BCAP31: variants seen among roughly 807,000 people sequenced by gnomAD.
BCAP31 encodes the protein B cell receptor associated protein 31, also known as B-cell receptor-associated protein 31.
For synonymous variants in BCAP31, 75 were observed against 80.9 expected (o/e 0.93, Z 0.39); for missense variants, 124 against 193.0 (o/e 0.64, Z 2.12).
intron 2 of BCAP31, among the ~76,000 whole-genome samples, chrX:153,721,926 A>C (rs976975983): frequency 9.0e-6 from 1 of 110,869 alleles, no homozygotes; most frequent in African/African-American, 3.3e-5. Flanking sequence ...AAACAAAAAA[A>C]CCACAACAAC....
intron 7 of BCAP31, 75 bp from the exon 8 acceptor site, chrX:153,701,050 C>T: frequency 1.1e-6 from 1 of 950,874 alleles, no homozygotes; most frequent in Non-Finnish European, 1.5e-6. Context: ...AGCCCCATGC[C>T]CCAGAGGTCC....
Position 153,715,665 on chromosome X carries a change from T to C in BCAP31, c.218A>G (p.Tyr73Cys). 1.7e-6 allele frequency: 2 copies of C among 1,211,507 alleles called. No individual in the cohort carries two copies. Among genetic ancestry groups the C allele is most frequent in the Non-Finnish European group, 2.2e-6 (2 of 895,375 alleles). ...VIDAVREIRK[Y>C]DDVTEKVNLQ... is the part of the protein sequence containing the mutation. ...GTTCACCTTTTCCGTCACATCATCATACTTCCGAATTTCGCGCACGGCATC... is the reference window on the plus strand; with the variant it reads ...GTTCACCTTTTCCGTCACATCATCACACTTCCGAATTTCGCGCACGGCATC... Residue 73 changes from tyrosine (Y) to cysteine (C), a missense_variant, in exon 4 of 8, where the codon TAT (tyrosine) becomes TGT (cysteine). Transcript: ENST00000345046.
intron 4 of BCAP31, among the ~76,000 whole-genome samples, chrX:153,713,968 G>A (rs911352977): frequency 1.5e-4 from 14 of 92,491 alleles, no homozygotes; most frequent in African/African-American, 5.2e-4. Flanking sequence ...TCTGCCTCCC[G>A]GGTTCAAGCA....
At chrX:153,718,407 C>G (rs1281154340) in intron 3 of BCAP31, among the ~76,000 whole-genome samples, 1 of 109,621 alleles carries the variant, frequency 9.1e-6, no homozygotes, top group Non-Finnish European at 1.9e-5. Flanking sequence ...CTATGGACAG[C>G]AGTCTTATCT....
At chrX:153,710,998 T>C (rs2082330279) in intron 4 of BCAP31, among the ~76,000 whole-genome samples, 1 of 111,683 alleles carries the variant, frequency 9.0e-6, no homozygotes, top group African/African-American at 3.3e-5. Context: ...GGAAGCACCC[T>C]ATCCTGCTCA....
At chrX:153,704,388 C>T (rs1430805140) in intron 4 of BCAP31, among the ~76,000 whole-genome samples, 5 of 112,180 alleles carry the variant, frequency 4.5e-5, no homozygotes, top group Non-Finnish European at 9.4e-5. Flanking sequence ...TCCCAGAACG[C>T]GGCACTTTCC....
At chrX:153,702,153 G>GAA (rs1557047487) in intron 6 of BCAP31, 46 bp from the exon 7 acceptor site, 1 of 1,099,966 alleles carries the variant, frequency 9.1e-7, no homozygotes, top group African/African-American at 1.8e-5. Flanking sequence ...GAAAAGACAG[G>GAA]AATTAGGGGG....
intron 4 of BCAP31, among the ~76,000 whole-genome samples, chrX:153,708,758 A>C (rs1325740471): frequency 1.3e-4 from 15 of 113,037 alleles, no homozygotes; most frequent in African/African-American, 4.8e-4. Context: ...GGAATCAGGA[A>C]AACAGGTTAC....
At chrX:153,723,556 A>G in intron 1 of BCAP31, 1 of 1,167,844 alleles carries the variant, frequency 8.6e-7, no homozygotes. Flanking sequence ...GCCTCTCCCG[A>G]CGATCCCTGC....
In BCAP31 at chrX:153,701,324, C is replaced by T. The variant is rs6643769; in HGVS notation, c.703-349G>A. Among the ~76,000 whole-genome samples, 224 of 112,638 alleles carry T rather than the reference C, an allele frequency of 2.0e-3. 1 individual carries two copies. The highest frequency in any genetic ancestry group is 6.7e-3 in the African/African-American group (208 of 31,037). ...TCTGCACACCTTTGACAGGTGCCCT[C>T]GAAGCCCATCTGCCAAGCCTGCCCC... is the stretch of plus-strand genomic sequence containing the variant. On this transcript the variant is annotated intron_variant, in intron 7 of 7. Coordinates refer to ENST00000345046, the MANE Select transcript of BCAP31 (RefSeq NM_001256447.2).
At chrX:153,715,731 C>T (rs782213030) in intron 3 of BCAP31, 42 bp from the exon 4 acceptor site, 12 of 1,199,151 alleles carry the variant, frequency 1.0e-5, no homozygotes, top group Non-Finnish European at 1.4e-5. Flanking sequence ...TTAGCGGACA[C>T]TAGGGCAAGA....
chrX:153,715,090 G>C (rs1412702116), intron 4 of BCAP31, among the ~76,000 whole-genome samples: 1 of 111,878 alleles, frequency 8.9e-6, no homozygotes, highest in Non-Finnish European at 1.9e-5. Context: ...TTTCACGTGG[G>C]GAAGGCCCTG....
chrX:153,711,525 C>G (rs1381567940), intron 4 of BCAP31, among the ~76,000 whole-genome samples: 2 of 112,367 alleles, frequency 1.8e-5, no homozygotes, highest in Non-Finnish European at 3.8e-5. Context: ...ACCATCTAAC[C>G]TGCTCGGGCC....
chrX:153,721,458 G>A (rs2091665664), intron 2 of BCAP31, among the ~76,000 whole-genome samples: 1 of 101,080 alleles, frequency 9.9e-6, no homozygotes, highest in South Asian at 4.6e-4. Flanking sequence ...AAAAAAAGAT[G>A]CTGGTCCACG....
intron 3 of BCAP31, among the ~76,000 whole-genome samples, chrX:153,717,116 A>G (rs1467445940): frequency 8.9e-6 from 1 of 112,248 alleles, no homozygotes; most frequent in African/African-American, 3.2e-5. Context: ...AAAGTAGACT[A>G]CAAACTTCAT....
intron 1 of BCAP31, chrX:153,723,655 C>G (rs1186659941): frequency 1.6e-5 from 19 of 1,158,792 alleles, no homozygotes; most frequent in South Asian, 7.6e-5. Flanking sequence ...GAGGACGCCT[C>G]GGCACCCATC....
Position 153,700,634 on chromosome X carries a change from G to T in BCAP31, c.*303C>A. The T allele has an allele frequency of 3.8e-6, 1 of 264,308 alleles. No individual in the cohort carries two copies. 21.8% of individuals were successfully genotyped at this position (264,308 alleles called of 1,213,427 possible). ...AAACCAACAGGAAGTCAGCCCCACC[G>T]CAAGCCGGACTACAACTAACTCGTG... On this transcript the variant is annotated 3_prime_UTR_variant, in exon 8 of 8. Transcript: ENST00000345046.
intron 4 of BCAP31, among the ~76,000 whole-genome samples, chrX:153,712,426 A>G (rs1205187416): frequency 2.7e-5 from 3 of 110,504 alleles, no homozygotes; most frequent in African/African-American, 9.8e-5. Flanking sequence ...AAATAAATAA[A>G]TAAATAAATA....
At chrX:153,722,180 A>G in intron 2 of BCAP31, among the ~76,000 whole-genome samples, 1 of 112,006 alleles carries the variant, frequency 8.9e-6, no homozygotes, top group Middle Eastern at 4.6e-3. Context: ...AAGTGTTTAC[A>G]TATTGTTCAA....
Sources: allele counts gnomAD v4.1 joint callset (sites outside exome capture counted in the v4.1 genomes callset), GRCh38; gene constraint gnomAD v4.1.1; transcripts MANE v1.5; gene names NCBI Gene and HGNC (gene_info 2026-07-23, HGNC 2026-07-21).